TRIM66: variants seen among roughly 807,000 people sequenced by gnomAD.
The protein encoded by TRIM66 is tripartite motif-containing protein 66.
Under a neutral mutation model 148.2 loss-of-function variants are expected in TRIM66, and 99 were observed. The ratio of observed to expected loss-of-function variants is 0.67; its 90% CI spans 0.57 to 0.79. The LOEUF is 0.79. Ranked by LOEUF, TRIM66 falls within the 30% of genes least tolerant of loss-of-function variation. The pLI is 0.00. For synonymous variants in TRIM66, 616 were observed against 635.9 expected, an observed-to-expected ratio of 0.97 and a Z score of 0.47; for missense variants, 1,666 against 1,697.9, an observed-to-expected ratio of 0.98 and a Z score of 0.33.
At chr11:8,673,547 C>G (rs906802365) in intron 4 of TRIM66, among the ~76,000 whole-genome samples, 2 of 152,138 alleles carry the variant, frequency 1.3e-5, no homozygotes, top group African/African-American at 4.8e-5. Context: ...TTTTACAGTA[C>G]TTGGAACAGA....
In TRIM66 at chr11:8,621,700, C is replaced by T. The variant is rs1307020109; in HGVS notation, c.3200G>A (p.Gly1067Glu). ...KLKPQKNDQD[G>E]SFLLIIECGT... ...ACACTCGATGATCAGCAGGAAGCTC[C>T]CATCCTGATCATTCTTCTGTGGCTT... Residue 1067 changes from glycine to glutamate, a missense_variant, in exon 19 of 25, where the codon GGG becomes GAG. Transcript: ENST00000646038. 4 of 1,551,538 alleles carry T rather than the reference C, an allele frequency of 2.6e-6. No homozygotes were observed. The highest frequency in any genetic ancestry group is 3.5e-6 in the Non-Finnish European group (4 of 1,146,944).
chr11:8,647,660 C>T (rs2036984416), intron 10 of TRIM66, among the ~76,000 whole-genome samples: 1 of 152,150 alleles, frequency 6.6e-6, no homozygotes, highest in Non-Finnish European at 1.5e-5. Flanking sequence ...CACTCTCTTC[C>T]CTAGTGTCTG....
intron 12 of TRIM66, among the ~76,000 whole-genome samples, chr11:8,645,489 T>C (rs1276277485): frequency 1.3e-5 from 2 of 152,212 alleles, no homozygotes; most frequent in East Asian, 3.9e-4. Context: ...CCAACTGAGC[T>C]ACCTTTGGGA....
intron 19 of TRIM66, 36 bp from the exon 20 acceptor site, chr11:8,621,357 A>G (rs1312539005): frequency 6.5e-7 from 1 of 1,531,520 alleles, no homozygotes; most frequent in Non-Finnish European, 8.8e-7. Context: ...GCCAGAGCAC[A>G]GAACCAACAA....
In TRIM66 at chr11:8,617,767, G is replaced by T; in HGVS notation, c.*177C>A. 1 of 612,306 alleles carries T rather than the reference G, an allele frequency of 1.6e-6. No homozygotes were observed. Among genetic ancestry groups the T allele is most frequent in the Non-Finnish European group, 2.9e-6 (1 of 342,940 alleles). The allele number at this position is 612,306 out of a possible 1,614,324, so 37.9% of individuals were successfully genotyped here. ...TTATTACTGAAATCTTCTCTGTAGT[G>T]GATGTACTACGGCTCCCAAATAAAT... On this transcript the variant is annotated 3_prime_UTR_variant, in exon 25 of 25. Coordinates refer to ENST00000646038, the MANE Select transcript of TRIM66 (RefSeq NM_001388022.1).
In TRIM66 at chr11:8,624,702, C is replaced by T. The variant is rs1233594095; in HGVS notation, c.2826+11G>A. ...CAAAGGAAGTTTGGATAGCATTTCCCCAGGACTTACCTTACACAGAGCATT... is the reference window on the plus strand; with the variant it reads ...CAAAGGAAGTTTGGATAGCATTTCCTCAGGACTTACCTTACACAGAGCATT... On this transcript the variant is annotated intron_variant, in intron 16 of 24. Transcript: ENST00000646038. 1 of 1,493,390 alleles carries T rather than the reference C, an allele frequency of 6.7e-7. No homozygotes were observed. The highest frequency in any genetic ancestry group is 8.9e-7 in the Non-Finnish European group (1 of 1,118,164). The allele number at this position is 1,493,390 out of a possible 1,614,324, so 92.5% of individuals were successfully genotyped here.
intron 1 of TRIM66, among the ~76,000 whole-genome samples, chr11:8,681,754 T>G (rs2039439799): frequency 6.6e-6 from 1 of 151,974 alleles, no homozygotes; most frequent in Non-Finnish European, 1.5e-5. Flanking sequence ...ACATAAGGAA[T>G]TAGGTCTAGT....
chr11:8,621,403 C>G, intron 19 of TRIM66, 82 bp from the exon 20 acceptor site: 1 of 1,459,402 alleles, frequency 6.9e-7, no homozygotes. Context: ...CTGGCAGGCC[C>G]TGCATGCCTA....
rs1010593303 is a variant in TRIM66, at chr11:8,646,001, CCT to C, written c.958-116_958-115del. 107 of 1,015,756 alleles carry C rather than the reference CCT, an allele frequency of 1.1e-4. No individual in the cohort carries two copies. In the African/African-American group the frequency reaches 1.6e-3, roughly 15 times the overall value. The allele number at this position is 1,015,756 out of a possible 1,614,324, so 62.9% of individuals were successfully genotyped here. On this transcript the variant is annotated intron_variant, in intron 11 of 24. Transcript: ENST00000646038. Reference sequence around the variant, plus strand: ...TGATGGAATCAGATGAGACTACACCCCTGAGAGGACAGCAGGGCAGAGTGTTG... The same window carrying C: ...TGATGGAATCAGATGAGACTACACCCGAGAGGACAGCAGGGCAGAGTGTTG...
chr11:8,621,862 T>C lies in TRIM66; in HGVS notation c.3081-43A>G, dbSNP rs1330873555. 2.7e-6 allele frequency: 4 copies of C among 1,482,378 alleles called. No homozygotes were observed. In the African/African-American group the frequency reaches 4.3e-5, roughly 16 times the overall value. 91.8% of individuals were successfully genotyped at this position (1,482,378 alleles called of 1,614,324 possible). A position where few individuals can be genotyped will look rare whatever the true frequency, so the allele number is the denominator to read the frequency against. ...CCCCGGGGTCTTGGTGGGATCCTCC[T>C]CTGGTCCCAACCTCTAAGTCAGAAA... On this transcript the variant is annotated intron_variant, in intron 18 of 24. Transcript: ENST00000646038.
At chr11:8,654,072 A>G (rs2037601935) in intron 6 of TRIM66, among the ~76,000 whole-genome samples, 1 of 152,204 alleles carries the variant, frequency 6.6e-6, no homozygotes, top group Non-Finnish European at 1.5e-5. Flanking sequence ...CATCCCGGGT[A>G]CCAGATGCCC....
intron 15 of TRIM66, among the ~76,000 whole-genome samples, chr11:8,635,873 GCT>G (rs2035836106): frequency 6.6e-6 from 1 of 152,158 alleles, no homozygotes; most frequent in Non-Finnish European, 1.5e-5. Flanking sequence ...CCTTTCCTCT[GCT>G]CTGTGTATAG....
chr11:8,640,215 C>T lies in TRIM66; in HGVS notation c.2148+12G>A. Reference sequence around the variant, plus strand: ...GGGCAGAATATGCACGCCAAGCCACCCTGACGCTTACCTGCAGGGTCTCCT... The same window carrying T: ...GGGCAGAATATGCACGCCAAGCCACTCTGACGCTTACCTGCAGGGTCTCCT... On this transcript the variant is annotated intron_variant, in intron 14 of 24. Coordinates refer to ENST00000646038, the MANE Select transcript of TRIM66 (RefSeq NM_001388022.1). The T allele has an allele frequency of 7.7e-6, 12 of 1,549,388 alleles. No individual in the cohort carries two copies. The highest frequency in any genetic ancestry group is 9.6e-6 in the Non-Finnish European group (11 of 1,145,434).
chr11:8,651,589 C>G (rs2037363116), intron 7 of TRIM66, among the ~76,000 whole-genome samples: 1 of 152,130 alleles, frequency 6.6e-6, no homozygotes, highest in Non-Finnish European at 1.5e-5. Context: ...AAAAAAAAGT[C>G]AATAATTTTC....
At chr11:8,672,965 A>T (rs1592210670) in intron 4 of TRIM66, among the ~76,000 whole-genome samples, 1 of 95,748 alleles carries the variant, frequency 1.0e-5, no homozygotes, top group African/African-American at 4.1e-5. Context: ...TTTAAGATGG[A>T]GTCTTGCTCT....
intron 15 of TRIM66, among the ~76,000 whole-genome samples, chr11:8,629,876 A>ACGGAGGAAGGGACT (rs1215955955): frequency 6.6e-6 from 1 of 152,214 alleles, no homozygotes; most frequent in East Asian, 1.9e-4. Flanking sequence ...GAAAATTTCC[A>ACGGAGGAAGGGACT]CGGAGGAAGG....
Position 8,640,511 on chromosome 11 carries a change from G to T in TRIM66, c.1864C>A (p.Gln622Lys). 2 of 1,541,814 alleles carry T rather than the reference G, an allele frequency of 1.3e-6. No individual in the cohort carries two copies. Among genetic ancestry groups the T allele is most frequent in the Non-Finnish European group, 1.7e-6 (2 of 1,144,114 alleles). ...PPPPLPPPPQ[Q>K]PHPPLPPSQH... ...GATGGAGGAAGAGGTGGGTGTGGCT[G>T]CTGTGGGGGAGGGGGAAGGGGAGGT... is the stretch of plus-strand genomic sequence containing the variant. Residue 622 changes from glutamine (Q) to lysine (K), a missense_variant, in exon 14 of 25, where the codon CAG (glutamine) becomes AAG (lysine). Gln to Lys is a moderately conservative substitution (Grantham distance 53). Transcript: ENST00000646038.
rs2033451749 is a variant in TRIM66, at chr11:8,612,388, A to G, written c.*5556T>C. The G allele has an allele frequency of 6.6e-6, 1 of 152,166 alleles. No individual in the cohort carries two copies. Among genetic ancestry groups the G allele is most frequent in the Non-Finnish European group, 1.5e-5 (1 of 68,032 alleles). The allele number at this position is 152,166 out of a possible 1,614,324, so 9.4% of individuals were successfully genotyped here. On this transcript the variant is annotated 3_prime_UTR_variant, in exon 25 of 25. Coordinates refer to ENST00000646038, the MANE Select transcript of TRIM66 (RefSeq NM_001388022.1). The stretch of plus-strand genomic sequence containing the variant: ...ATGTGGCCTGATCTTGAGAGTTAAA[A>G]TCATAATTAACATCTTTACAGCTGG...
In TRIM66 at chr11:8,649,871, T is replaced by C; in HGVS notation, c.461A>G (p.Lys154Arg). Reference sequence around the variant, plus strand: ...GAGGATATGTGCTGCCCTCTTCTCCTTGCACTCAGAGCAGTTCTGGAAGCA... The same window carrying C: ...GAGGATATGTGCTGCCCTCTTCTCCCTGCACTCAGAGCAGTTCTGGAAGCA... ...PKMARNCSEC[K>R]EKRAAHILCT... Residue 154 changes from lysine (K) to arginine (R), a missense_variant, in exon 8 of 25, where the codon AAG becomes AGG. Physicochemically the swap from Lys to Arg is conservative, Grantham distance 26. Coordinates refer to ENST00000646038, the MANE Select transcript of TRIM66 (RefSeq NM_001388022.1). The C allele has an allele frequency of 6.4e-7, 1 of 1,551,554 alleles. No individual in the cohort carries two copies. The highest frequency in any genetic ancestry group is 8.7e-7 in the Non-Finnish European group (1 of 1,146,888).
Sources: allele counts gnomAD v4.1 joint callset (sites outside exome capture counted in the v4.1 genomes callset), GRCh38; gene constraint gnomAD v4.1.1; transcripts MANE v1.5; gene names NCBI Gene and HGNC (gene_info 2026-07-23, HGNC 2026-07-21).